Variants in KAT6A observed in about 807,000 individuals in gnomAD.
The protein encoded by KAT6A is histone acetyltransferase KAT6A.
Under a neutral mutation model 198.4 loss-of-function variants are expected in KAT6A, and 9 were observed. That is an observed-to-expected ratio of 0.05 (90% CI 0.03 to 0.08). The LOEUF is 0.08. KAT6A is among the 10% of genes least tolerant of loss of function. The pLI is 1.00. For synonymous variants in KAT6A, 890 were observed against 883.0 expected (o/e 1.01, Z -0.14); for missense variants, 2,077 against 2,509.9 (o/e 0.83, Z 3.69).
rs1381701030 is a variant in KAT6A, at chr8:41,930,348, G to C, written c.*1857C>G. The C allele has an allele frequency of 8.9e-6, 2 of 223,900 alleles. No homozygotes were observed. The highest frequency in any genetic ancestry group is 1.3e-4 in the East Asian group (2 of 15,660). 13.9% of individuals were successfully genotyped at this position (223,900 alleles called of 1,614,324 possible). ...TTTCTACATAGATGACTGGGAACTGGAATAGTATATACAGAGAAACTGGGT... is the reference window on the plus strand; with the variant it reads ...TTTCTACATAGATGACTGGGAACTGCAATAGTATATACAGAGAAACTGGGT... On this transcript the variant is annotated 3_prime_UTR_variant, in exon 17 of 17. Coordinates refer to ENST00000265713, the MANE Select transcript of KAT6A (RefSeq NM_006766.5).
intron 2 of KAT6A, among the ~76,000 whole-genome samples, chr8:42,015,304 G>A (rs1002439058): frequency 3.9e-5 from 6 of 152,224 alleles, no homozygotes; most frequent in Middle Eastern, 3.2e-3. Flanking sequence ...GAGCTGGGGG[G>A]AAAGCAGAAC....
chr8:41,931,033 A>G lies in KAT6A; in HGVS notation c.*1172T>C, dbSNP rs1485807809. ...AAATAGCTACGAAACTCACACCGTG[A>G]TCTCCCTTCTGACACACATCTGCGC... is the stretch of plus-strand genomic sequence containing the variant. On this transcript the variant is annotated 3_prime_UTR_variant, in exon 17 of 17. Transcript: ENST00000265713. 1 of 216,948 alleles carries G rather than the reference A, an allele frequency of 4.6e-6. No individual in the cohort carries two copies. The highest frequency in any genetic ancestry group is 1.9e-4 in the South Asian group (1 of 5,404). 13.4% of individuals were successfully genotyped at this position (216,948 alleles called of 1,614,324 possible). A position where few individuals can be genotyped will look rare whatever the true frequency, so the allele number is the denominator to read the frequency against.
intron 2 of KAT6A, among the ~76,000 whole-genome samples, chr8:41,989,541 G>GTGACA (rs1824814296): frequency 6.6e-6 from 1 of 151,790 alleles, no homozygotes; most frequent in South Asian, 2.1e-4. Context: ...GTGACGTGAC[G>GTGACA]TGACGTGACG....
chr8:41,935,934 G>C (rs959583236), intron 16 of KAT6A, among the ~76,000 whole-genome samples: 1 of 152,206 alleles, frequency 6.6e-6, no homozygotes, highest in Admixed American at 6.5e-5. Context: ...ATTCATGATA[G>C]AGCAAAGAAC....
intron 3 of KAT6A, among the ~76,000 whole-genome samples, chr8:41,984,749 C>A (rs1047446670): frequency 6.6e-6 from 1 of 151,998 alleles, no homozygotes; most frequent in African/African-American, 2.4e-5. Context: ...GAGGCCAAGG[C>A]GGGAGGATCA....
In KAT6A at chr8:42,028,085, G is replaced by C. The variant is rs1247571733; in HGVS notation, c.600+20293C>G. On this transcript the variant is annotated intron_variant, in intron 2 of 16. Coordinates refer to ENST00000265713, the MANE Select transcript of KAT6A (RefSeq NM_006766.5). ...AAGTTCCTCTTCTTCTGGATATCTA[G>C]TTTTATTCCATTTTGGTCTAAGAAA... Among the ~76,000 whole-genome samples, 4 of 152,104 alleles carry C rather than the reference G, an allele frequency of 2.6e-5. No homozygotes were observed. In the East Asian group the frequency reaches 7.7e-4, roughly 29 times the overall value.
At chr8:41,945,631 A>G (rs537464038) in intron 12 of KAT6A, among the ~76,000 whole-genome samples, 1 of 152,250 alleles carries the variant, frequency 6.6e-6, no homozygotes, top group East Asian at 1.9e-4. Context: ...TATTATTAGT[A>G]TTACTGCATG....
intron 2 of KAT6A, among the ~76,000 whole-genome samples, chr8:42,026,133 T>C (rs757497487): frequency 2.0e-5 from 3 of 152,204 alleles, no homozygotes; most frequent in Non-Finnish European, 4.4e-5. Flanking sequence ...CAGTGGTCTG[T>C]CTGTTTTTAT....
intron 11 of KAT6A, 37 bp from the exon 12 acceptor site, chr8:41,946,721 CT>C (rs1822414876): frequency 8.4e-7 from 1 of 1,196,742 alleles, no homozygotes; most frequent in Non-Finnish European, 1.2e-6. Flanking sequence ...TGAAAACAGG[CT>C]GGTAAAAGTG....
chr8:42,042,226 AG>A (rs774993428), intron 2 of KAT6A, among the ~76,000 whole-genome samples: 1 of 152,150 alleles, frequency 6.6e-6, no homozygotes, highest in African/African-American at 2.4e-5. Flanking sequence ...TGGGAGGCCG[AG>A]GCAGGCGGAT....
intron 10 of KAT6A, 123 bp from the exon 11 acceptor site, chr8:41,948,035 G>C (rs1283889879): frequency 1.5e-6 from 1 of 661,080 alleles, no homozygotes; most frequent in Admixed American, 3.8e-5. Context: ...TCCATGACCA[G>C]AACACTTTGG....
chr8:41,936,154 T>C (rs1376072247), intron 16 of KAT6A, among the ~76,000 whole-genome samples: 3 of 152,054 alleles, frequency 2.0e-5, no homozygotes, highest in Non-Finnish European at 4.4e-5. Context: ...CCCAACTACT[T>C]GGGATGCTGA....
chr8:42,017,427 G>A (rs1826327961), intron 2 of KAT6A, among the ~76,000 whole-genome samples: 1 of 152,060 alleles, frequency 6.6e-6, no homozygotes, highest in Non-Finnish European at 1.5e-5. Flanking sequence ...ATGCCTAATG[G>A]ACCATGAGAA....
At chr8:42,029,535 T>C (rs893928095) in intron 2 of KAT6A, among the ~76,000 whole-genome samples, 1 of 151,380 alleles carries the variant, frequency 6.6e-6, no homozygotes, top group South Asian at 2.1e-4. Context: ...ATCTAGTCTA[T>C]AGTTAAAAGC....
intron 10 of KAT6A, among the ~76,000 whole-genome samples, chr8:41,948,755 G>A (rs1564016449): frequency 6.6e-6 from 1 of 151,234 alleles, no homozygotes; most frequent in East Asian, 1.9e-4. Flanking sequence ...GAGAGACTGA[G>A]GGGATCCTGA....
intron 8 of KAT6A, among the ~76,000 whole-genome samples, chr8:41,969,404 C>G (rs1003129589): frequency 1.4e-4 from 21 of 152,164 alleles, no homozygotes; most frequent in African/African-American, 4.8e-4. Context: ...GTCAGAGAAC[C>G]TGGAAGTCAT....
intron 2 of KAT6A, among the ~76,000 whole-genome samples, chr8:42,013,662 T>A (rs1826127285): frequency 1.3e-5 from 2 of 152,258 alleles, no homozygotes; most frequent in African/African-American, 4.8e-5. Context: ...ATGGTCCTTC[T>A]ATAATTTTCA....
intron 8 of KAT6A, among the ~76,000 whole-genome samples, chr8:41,964,614 T>C (rs539516736): frequency 8.6e-6 from 1 of 116,790 alleles, no homozygotes; most frequent in Non-Finnish European, 1.7e-5. Flanking sequence ...ATGATGCAAA[T>C]ATTCCAAAAT....
chr8:41,932,035 A>C lies in KAT6A; in HGVS notation c.*170T>G, dbSNP rs1821572011. Reference sequence around the variant, plus strand: ...CCAAAACCCAGAACAAAATGAACCCAAAAAAAGAGAAGATCAGGTTTTCTA... The same window carrying C: ...CCAAAACCCAGAACAAAATGAACCCCAAAAAAGAGAAGATCAGGTTTTCTA... On this transcript the variant is annotated 3_prime_UTR_variant, in exon 17 of 17. Transcript: ENST00000265713. 3 of 637,148 alleles carry C rather than the reference A, an allele frequency of 4.7e-6. No individual in the cohort carries two copies. Among genetic ancestry groups the C allele is most frequent in the South Asian group, 6.5e-5 (1 of 15,468 alleles). The allele number at this position is 637,148 out of a possible 1,614,324, so 39.5% of individuals were successfully genotyped here. A position where few individuals can be genotyped will look rare whatever the true frequency, so the allele number is the denominator to read the frequency against.
Sources: allele counts gnomAD v4.1 joint callset (sites outside exome capture counted in the v4.1 genomes callset), GRCh38; gene constraint gnomAD v4.1.1; transcripts MANE v1.5; gene names NCBI Gene and HGNC (gene_info 2026-07-23, HGNC 2026-07-21).